Variants in RABGAP1L observed in about 807,000 individuals in gnomAD.
RABGAP1L encodes RAB GTPase activating protein 1 like.
In RABGAP1L, 63 loss-of-function variants were observed where a neutral mutation model predicts 137.7. That is an observed-to-expected ratio of 0.46 (90% CI 0.37 to 0.56). The LOEUF (loss-of-function observed/expected upper bound fraction) is 0.56, where lower values mean the gene tolerates loss of function less well. Ranked by LOEUF, RABGAP1L falls within the 20% of genes least tolerant of loss-of-function variation. The pLI is 0.00. For missense variants in RABGAP1L, 1,095 were observed against 1,244.0 expected (o/e 0.88, Z 1.80); for synonymous variants, 431 against 433.7 (o/e 0.99, Z 0.08).
intron 13 of RABGAP1L, among the ~76,000 whole-genome samples, chr1:174,400,069 T>A (rs971769268): frequency 2.0e-5 from 3 of 152,222 alleles, no homozygotes; most frequent in Non-Finnish European, 2.9e-5. Flanking sequence ...TGAAGCATTC[T>A]TTCAGGGGTG....
At chr1:174,366,031 AAAT>A (rs374320660) in intron 11 of RABGAP1L, among the ~76,000 whole-genome samples, 19 of 152,284 alleles carry the variant, frequency 1.2e-4, no homozygotes, top group African/African-American at 3.9e-4. Context: ...TTTTGGTGAC[AAAT>A]ACCAGTATAT....
At chr1:174,613,073 T>G (rs946639132) in intron 13 of RABGAP1L, among the ~76,000 whole-genome samples, 1 of 150,732 alleles carries the variant, frequency 6.6e-6, no homozygotes, top group Non-Finnish European at 1.5e-5. Context: ...CTGCTCTGAT[T>G]TTAGTTATTT....
At chr1:174,548,904 C>G (rs2147972632) in intron 13 of RABGAP1L, among the ~76,000 whole-genome samples, 1 of 152,246 alleles carries the variant, frequency 6.6e-6, no homozygotes, top group African/African-American at 2.4e-5. Flanking sequence ...CAATAGTGAT[C>G]TAAAGTTTTT....
chr1:174,347,405 A>T (rs1682532671), intron 11 of RABGAP1L, among the ~76,000 whole-genome samples: 1 of 151,476 alleles, frequency 6.6e-6, no homozygotes, highest in African/African-American at 2.4e-5. Context: ...TTGGGTGCAT[A>T]TATATTTACA....
intron 1 of RABGAP1L, among the ~76,000 whole-genome samples, chr1:174,167,558 A>G (rs1024015148): frequency 1.3e-5 from 2 of 152,296 alleles, no homozygotes; most frequent in African/African-American, 2.4e-5. Context: ...GAGTTTTTGT[A>G]TGCCCAATTT....
chr1:174,870,053 G>A (rs1212366928), intron 19 of RABGAP1L, among the ~76,000 whole-genome samples: 3 of 152,160 alleles, frequency 2.0e-5, no homozygotes, highest in Non-Finnish European at 4.4e-5. Context: ...ATCAAACCAG[G>A]TTATTCTAAA....
intron 19 of RABGAP1L, among the ~76,000 whole-genome samples, chr1:174,948,509 CAAAAAAAAAA>C (rs3086627): frequency 3.1e-5 from 2 of 64,892 alleles, no homozygotes; most frequent in Admixed American, 2.0e-4. Flanking sequence ...GACCCTGCCT[CAAAAAAAAAA>C]AAAAAAAAAA....
chr1:174,877,872 A>G (rs1387180453), intron 19 of RABGAP1L, among the ~76,000 whole-genome samples: 1 of 152,180 alleles, frequency 6.6e-6, no homozygotes, highest in Non-Finnish European at 1.5e-5. Context: ...AAATATGTAT[A>G]TAATTATCAG....
chr1:174,679,114 C>T (rs2148468692), intron 14 of RABGAP1L, among the ~76,000 whole-genome samples: 1 of 152,348 alleles, frequency 6.6e-6, no homozygotes, highest in East Asian at 1.9e-4. Context: ...CGATCATTGT[C>T]CCTCCTCCTG....
Position 174,572,081 on chromosome 1 carries a change from T to C in RABGAP1L, c.1711-65294T>C, listed in dbSNP as rs539618920. Reference sequence around the variant, plus strand: ...AAACATTTTCAAAAACATTCCCTGCTAAATCAAACTGAAATGCAGGGGATT... The same window carrying C: ...AAACATTTTCAAAAACATTCCCTGCCAAATCAAACTGAAATGCAGGGGATT... On this transcript the variant is annotated intron_variant, in intron 13 of 25. Coordinates refer to ENST00000681986, the MANE Select transcript of RABGAP1L (RefSeq NM_001366446.1). Among the ~76,000 whole-genome samples the C allele has an allele frequency of 1.4e-4, 22 of 152,334 alleles. No individual in the cohort carries two copies. The South Asian group carries it at 4.6e-3, about 32-fold the overall frequency.
At chr1:174,813,274 A>G (rs1258378546) in intron 19 of RABGAP1L, among the ~76,000 whole-genome samples, 1 of 152,164 alleles carries the variant, frequency 6.6e-6, no homozygotes, top group Non-Finnish European at 1.5e-5. Context: ...GGAGATGGAG[A>G]TGGTTGGAAC....
rs549910555 is a variant in RABGAP1L, at chr1:174,763,189, G to A, written c.2211+10835G>A. Among the ~76,000 whole-genome samples the A allele has an allele frequency of 7.9e-5, 12 of 151,936 alleles. 1 individual carries two copies. In the South Asian group the frequency reaches 2.5e-3, roughly 32 times the overall value. ...TAGCTTCTCTCATTTTCATTATTGAGATATAATTTATGTGTCATAAAATTC... is the reference window on the plus strand; with the variant it reads ...TAGCTTCTCTCATTTTCATTATTGAAATATAATTTATGTGTCATAAAATTC... On this transcript the variant is annotated intron_variant, in intron 18 of 25. Coordinates refer to ENST00000681986, the MANE Select transcript of RABGAP1L (RefSeq NM_001366446.1).
At chr1:174,869,023 C>T (rs986043548) in intron 19 of RABGAP1L, among the ~76,000 whole-genome samples, 2 of 152,130 alleles carry the variant, frequency 1.3e-5, no homozygotes, top group East Asian at 3.9e-4. Context: ...TGGTTGTGTT[C>T]TCGTATACTG....
chr1:174,599,978 C>G (rs1381168161), intron 13 of RABGAP1L, among the ~76,000 whole-genome samples: 1 of 152,084 alleles, frequency 6.6e-6, no homozygotes, highest in Admixed American at 6.6e-5. Context: ...TGTTTTCATG[C>G]TGCTGATAAA....
intron 13 of RABGAP1L, among the ~76,000 whole-genome samples, chr1:174,425,095 T>G (rs781247162): frequency 6.6e-5 from 10 of 152,048 alleles, no homozygotes; most frequent in South Asian, 4.1e-4. Flanking sequence ...TGGGAATCTT[T>G]TGGTCATGCC....
intron 13 of RABGAP1L, among the ~76,000 whole-genome samples, chr1:174,409,020 T>C (rs530283711): frequency 3.8e-4 from 58 of 152,296 alleles, no homozygotes; most frequent in African/African-American, 1.3e-3. Context: ...GTTTTCTGTT[T>C]ACTCTATTGA....
intron 19 of RABGAP1L, among the ~76,000 whole-genome samples, chr1:174,933,080 T>TTACATACATACATGCATACA: frequency 6.6e-6 from 1 of 152,132 alleles, no homozygotes; most frequent in East Asian, 1.9e-4. Context: ...ACACACACAC[T>TTACATACATACATGCATACA]TACATACATA....
intron 13 of RABGAP1L, among the ~76,000 whole-genome samples, chr1:174,552,715 A>G (rs1666633019): frequency 6.6e-6 from 1 of 152,164 alleles, no homozygotes; most frequent in South Asian, 2.1e-4. Flanking sequence ...TAACAGAATG[A>G]TTTATATTCC....
At chr1:174,810,000 C>G (rs1264171769) in intron 18 of RABGAP1L, among the ~76,000 whole-genome samples, 1 of 152,164 alleles carries the variant, frequency 6.6e-6, no homozygotes. Flanking sequence ...CTGAGATGTA[C>G]TGGAGTTTTT....
Sources: gnomAD v4.1 joint callset for allele counts (sites outside exome capture counted in the v4.1 genomes callset) on GRCh38, gnomAD v4.1.1 for gene constraint, MANE v1.5 for transcripts, NCBI Gene and HGNC (gene_info 2026-07-23, HGNC 2026-07-21) for gene names.